The following KLHL4 variants were observed in gnomAD, a reference collection of about 807,000 sequenced individuals.
The protein encoded by KLHL4 is kelch like family member 4, also known as kelch-like protein 4.
In KLHL4, 17 loss-of-function variants were observed where a neutral mutation model predicts 45.8. The ratio of observed to expected loss-of-function variants is 0.37; its 90% CI spans 0.25 to 0.56. The LOEUF (loss-of-function observed/expected upper bound fraction) is 0.56. Among genes scored for constraint, KLHL4 ranks in the 20% least tolerant of loss-of-function variants. KLHL4 has a pLI of 0.79. For synonymous variants in KLHL4, 224 were observed against 189.9 expected, an observed-to-expected ratio of 1.18 and a Z score of -1.47; for missense variants, 544 against 544.9, an observed-to-expected ratio of 1.00 and a Z score of 0.02.
At chrX:87,579,506 A>G (rs368313752) in intron 1 of KLHL4, among the ~76,000 whole-genome samples, 3 of 111,549 alleles carry the variant, frequency 2.7e-5, no homozygotes, top group East Asian at 5.7e-4. Flanking sequence ...GCAAAGCCCA[A>G]AGTATCCAAA....
At chrX:87,648,112 A>G (rs898946102) in intron 9 of KLHL4, among the ~76,000 whole-genome samples, 6 of 111,060 alleles carry the variant, frequency 5.4e-5, no homozygotes, top group Non-Finnish European at 9.5e-5. Flanking sequence ...ACTAGTGTGT[A>G]TCTTGGTTAA....
At chrX:87,645,399 G>A (rs1415730541) in intron 9 of KLHL4, among the ~76,000 whole-genome samples, 1 of 110,985 alleles carries the variant, frequency 9.0e-6, no homozygotes, top group Admixed American at 9.6e-5. Flanking sequence ...ATCAAAAAAC[G>A]GTAGATGCCA....
chrX:87,565,554 G>A (rs986220612), intron 1 of KLHL4, among the ~76,000 whole-genome samples: 4 of 109,132 alleles, frequency 3.7e-5, no homozygotes, highest in East Asian at 2.9e-4. Flanking sequence ...ATGGTGAAAC[G>A]CTGTCTCTTA....
intron 1 of KLHL4, among the ~76,000 whole-genome samples, chrX:87,588,673 A>G (rs1432628235): frequency 9.0e-6 from 1 of 111,607 alleles, no homozygotes; most frequent in African/African-American, 3.3e-5. Context: ...ATTTAAATCT[A>G]AGACCTTAAA....
intron 1 of KLHL4, 80 bp from the exon 2 acceptor site, chrX:87,613,797 T>G (rs1922459674): frequency 2.8e-6 from 2 of 713,953 alleles, no homozygotes; most frequent in Non-Finnish European, 3.9e-6. Context: ...CACTACATGT[T>G]TGTACTCTCA....
At chrX:87,649,132 A>T (rs2147835118) in intron 9 of KLHL4, among the ~76,000 whole-genome samples, 1 of 111,144 alleles carries the variant, frequency 9.0e-6, no homozygotes, top group South Asian at 3.7e-4. Context: ...CATCTCTACA[A>T]CATTTTTCAT....
chrX:87,567,254 C>T (rs1201110076), intron 1 of KLHL4, among the ~76,000 whole-genome samples: 1 of 110,662 alleles, frequency 9.0e-6, no homozygotes, highest in Non-Finnish European at 1.9e-5. Context: ...CATTATGATG[C>T]TCATTATGAT....
rs146589380 is a variant in KLHL4 at position 87,537,526 on chromosome X, A to T, written c.422+19211A>T. Among the ~76,000 whole-genome samples, 790 of 110,978 alleles carry T rather than the reference A, an allele frequency of 7.1e-3. 13 individuals are homozygous for T. Among genetic ancestry groups the T allele is most frequent in the African/African-American group, 0.024 (738 of 30,644 alleles). ...TATATATAGATAGGTCGATATATAG[A>T]TGTAGATACACACACATATACATAC... On this transcript the variant is annotated intron_variant, in intron 1 of 10. Transcript: ENST00000373119.
chrX:87,622,079 A>G, intron 4 of KLHL4, 132 bp from the exon 5 acceptor site: 1 of 468,876 alleles, frequency 2.1e-6, no homozygotes. Context: ...AGGAGCACCT[A>G]TTTTTTATAA....
chrX:87,521,611 G>A (rs1931002832), intron 1 of KLHL4, among the ~76,000 whole-genome samples: 1 of 111,452 alleles, frequency 9.0e-6, no homozygotes, highest in South Asian at 3.8e-4. Context: ...TTTTGGATGA[G>A]GTAATATTTG....
At position 87,518,047 on chromosome X, in the gene KLHL4, T is replaced by A; in HGVS notation, c.154T>A (p.Leu52Met). The A allele has an allele frequency of 8.3e-7, 1 of 1,211,635 alleles. No homozygotes were observed. Among genetic ancestry groups the A allele is most frequent in the Non-Finnish European group, 1.1e-6 (1 of 895,523 alleles). The change falls in exon 1 of 11, where the codon TTG becomes ATG. Residue 52 changes from leucine (L) to methionine (M), a missense_variant. Leu to Met is a conservative substitution (Grantham distance 15). Transcript: ENST00000373119. Reference protein sequence around the residue: ...EHRGTPVQGRLKSHSRDRNGL... With the variant: ...EHRGTPVQGRMKSHSRDRNGL... ...TAGAGGGACCCCGGTTCAGGGCAGG[T>A]TGAAGAGCCACTCTCGGGACAGAAA...
intron 1 of KLHL4, among the ~76,000 whole-genome samples, chrX:87,536,143 G>A (rs1931423560): frequency 9.0e-6 from 1 of 111,067 alleles, no homozygotes; most frequent in African/African-American, 3.3e-5. Flanking sequence ...CATTTAAACT[G>A]TTACTATTTT....
intron 1 of KLHL4, among the ~76,000 whole-genome samples, chrX:87,605,280 G>A (rs1325358624): frequency 9.0e-6 from 1 of 111,160 alleles, no homozygotes; most frequent in African/African-American, 3.3e-5. Flanking sequence ...TTTAGGATTT[G>A]TTTTTGTATT....
rs759905466 is a variant in KLHL4 at position 87,666,714 on chromosome X, C to T, written c.*180C>T. 1.0e-6 allele frequency: 1 copy of T among 977,264 alleles called. No individual in the cohort carries two copies. The highest frequency in any genetic ancestry group is 5.0e-5 in the Admixed American group (1 of 19,943). 80.5% of individuals were successfully genotyped at this position (977,264 alleles called of 1,213,427 possible). On this transcript the variant is annotated 3_prime_UTR_variant, in exon 11 of 11. Coordinates refer to ENST00000373119, the MANE Select transcript of KLHL4 (RefSeq NM_019117.5). ...TTCGTGAAGCCGAAACGTTTTTAAACATGAATTACATATGAATTATTAAGC... is the reference window on the plus strand; with the variant it reads ...TTCGTGAAGCCGAAACGTTTTTAAATATGAATTACATATGAATTATTAAGC...
chrX:87,630,213 C>G lies in KLHL4; in HGVS notation c.1325-1997C>G, dbSNP rs746547967. 9.3e-4 allele frequency among the ~76,000 whole-genome samples: 104 copies of G among 111,670 alleles called. 1 individual carries two copies. Among genetic ancestry groups the G allele is most frequent in the African/African-American group, 3.2e-3 (99 of 30,822 alleles). On this transcript the variant is annotated intron_variant, in intron 6 of 10. Coordinates refer to ENST00000373119, the MANE Select transcript of KLHL4 (RefSeq NM_019117.5). ...TTTGACACTGCCAATGGTTATGCTTCAAATGTTAATTAACTACATCTTCAT... is the reference window on the plus strand; with the variant it reads ...TTTGACACTGCCAATGGTTATGCTTGAAATGTTAATTAACTACATCTTCAT...
At chrX:87,608,761 C>T (rs1433970007) in intron 1 of KLHL4, among the ~76,000 whole-genome samples, 1 of 110,196 alleles carries the variant, frequency 9.1e-6, no homozygotes, top group Non-Finnish European at 1.9e-5. Context: ...TTTAGTGTAC[C>T]CATGACTTTT....
Position 87,668,964 on chromosome X carries a change from A to C in KLHL4, c.*2430A>C. On this transcript the variant is annotated 3_prime_UTR_variant, in exon 11 of 11. Coordinates refer to ENST00000373119, the MANE Select transcript of KLHL4 (RefSeq NM_019117.5). ...CTAGATGAGCTGCCAAAATCTGAGC[A>C]GATATGAGCCATCAGAATAGAGACC... is the stretch of plus-strand genomic sequence containing the variant. The C allele has an allele frequency of 1.6e-5, 12 of 766,050 alleles. No homozygotes were observed. The highest frequency in any genetic ancestry group is 1.9e-5 in the Non-Finnish European group (12 of 647,135). 63.1% of individuals were successfully genotyped at this position (766,050 alleles called of 1,213,427 possible).
At position 87,638,878 on chromosome X, in the gene KLHL4, C is replaced by T. The variant is rs555016664; in HGVS notation, c.1925+3103C>T. On this transcript the variant is annotated intron_variant, in intron 9 of 10. Transcript: ENST00000373119. ...CGGTGAATGTAAAATGGCCTAAATG[C>T]TCCACTTAAAAGATGTAGAATGGCA... 1.9e-4 allele frequency among the ~76,000 whole-genome samples: 21 copies of T among 111,521 alleles called. No individual in the cohort carries two copies. The South Asian group carries it at 7.9e-3, about 42-fold the overall frequency.
chrX:87,560,620 C>T (rs916798566), intron 1 of KLHL4, among the ~76,000 whole-genome samples: 4 of 111,220 alleles, frequency 3.6e-5, no homozygotes, highest in Non-Finnish European at 7.5e-5. Context: ...ATTGTCCCCA[C>T]TCCCACTTCC....
Sources: gnomAD v4.1 joint callset for allele counts (sites outside exome capture counted in the v4.1 genomes callset) on GRCh38, gnomAD v4.1.1 for gene constraint, MANE v1.5 for transcripts, NCBI Gene and HGNC (gene_info 2026-07-23, HGNC 2026-07-21) for gene names.